COL5A2: variants seen among roughly 807,000 people sequenced by gnomAD.
The protein encoded by COL5A2 is collagen alpha-2(V) chain.
Under a neutral mutation model 208.2 loss-of-function variants are expected in COL5A2, and 23 were observed. The observed-to-expected ratio is 0.11, with a 90% confidence interval of 0.08 to 0.16. The LOEUF is 0.16. Ranked by LOEUF, COL5A2 falls within the 10% of genes least tolerant of loss-of-function variation. The pLI is 1.00. For synonymous variants in COL5A2, 625 were observed against 628.5 expected (o/e 0.99, Z 0.08); for missense variants, 1,590 against 1,956.4 (o/e 0.81, Z 3.53).
Position 189,048,229 on chromosome 2 carries a change from C to G in COL5A2, c.3181G>C (p.Asp1061His). 1 of 1,614,040 alleles carries G rather than the reference C, an allele frequency of 6.2e-7. No homozygotes were observed. ...CTTACACGTTCTCCAACAGCACCAT[C>G]CCGTCCTGGGGTACCATCATTGCCA... is the stretch of plus-strand genomic sequence containing the variant. ...PAGNDGTPGRDGAVGERGDRG... is the reference protein window; with the variant it reads ...PAGNDGTPGRHGAVGERGDRG... Residue 1061 changes from aspartate (D) to histidine (H), a missense_variant, in exon 45 of 54, where the codon GAT becomes CAT. Coordinates refer to ENST00000374866, the MANE Select transcript of COL5A2 (RefSeq NM_000393.5).
chr2:189,122,969 A>AT (rs11344015), intron 1 of COL5A2, among the ~76,000 whole-genome samples: 6,121 of 150,052 alleles, frequency 0.041, 241 homozygotes, highest in East Asian at 0.11. Flanking sequence ...AAAGTATTTA[A>AT]TTTTTTTTTT....
intron 1 of COL5A2, among the ~76,000 whole-genome samples, chr2:189,146,621 G>A (rs1688044750): frequency 6.6e-6 from 1 of 152,072 alleles, no homozygotes; most frequent in African/African-American, 2.4e-5. Flanking sequence ...TTTTAGTAAA[G>A]GGAACTTAGG....
the COL5A2 span, among the ~76,000 whole-genome samples, chr2:189,359,791 C>G: frequency 6.6e-6 from 1 of 152,064 alleles, no homozygotes; most frequent in Non-Finnish European, 1.5e-5. Flanking sequence ...ATGGTTCAAT[C>G]TTGGTAGGTT....
the COL5A2 span, among the ~76,000 whole-genome samples, chr2:189,389,312 C>T: frequency 6.6e-6 from 1 of 152,090 alleles, no homozygotes; most frequent in South Asian, 2.1e-4. Context: ...TCTATAAATT[C>T]CTATGACCCT....
chr2:189,063,886 T>C (rs1686087310), intron 26 of COL5A2, 94 bp downstream of exon 26: 1 of 972,770 alleles, frequency 1.0e-6, no homozygotes, highest in Admixed American at 2.0e-5. Flanking sequence ...CCAGCATCCA[T>C]ATAATCAAAA....
chr2:189,298,213 AC>A, the COL5A2 span, among the ~76,000 whole-genome samples: 1 of 152,150 alleles, frequency 6.6e-6, no homozygotes, highest in African/African-American at 2.4e-5. Context: ...TTTTTGTTTG[AC>A]TGGCTGCTAT....
chr2:189,046,587 G>C (rs1685673045), intron 45 of COL5A2, among the ~76,000 whole-genome samples: 1 of 152,032 alleles, frequency 6.6e-6, no homozygotes, highest in African/African-American at 2.4e-5. Context: ...TTATGACAAG[G>C]CTCCAAATAT....
chr2:189,117,849 T>C (rs1687425440), intron 1 of COL5A2, among the ~76,000 whole-genome samples: 1 of 152,150 alleles, frequency 6.6e-6, no homozygotes, highest in African/African-American at 2.4e-5. Context: ...AGAACACATA[T>C]AATTTATTTT....
At chr2:189,210,026 T>C (rs963428651) in intron 1 of COL5A2, among the ~76,000 whole-genome samples, 17 of 152,184 alleles carry the variant, frequency 1.1e-4, no homozygotes, top group Admixed American at 1.1e-3. Flanking sequence ...AGCTGAGTTT[T>C]CAGGCCGTTA....
chr2:189,334,685 C>T, the COL5A2 span, among the ~76,000 whole-genome samples: 14 of 151,954 alleles, frequency 9.2e-5, no homozygotes, highest in Non-Finnish European at 1.6e-4. Flanking sequence ...TTAATGCAGT[C>T]TCAGTTAAAC....
the COL5A2 span, among the ~76,000 whole-genome samples, chr2:189,300,577 C>G: frequency 2.0e-5 from 3 of 152,338 alleles, no homozygotes; most frequent in Non-Finnish European, 2.9e-5. Context: ...AATAAGATGA[C>G]AATCTTCCTG....
chr2:189,043,114 A>T, intron 48 of COL5A2, 37 bp downstream of exon 48: 1 of 1,473,080 alleles, frequency 6.8e-7, no homozygotes, highest in Non-Finnish European at 9.5e-7. Context: ...TGTATTTTCA[A>T]CTACAGGGCA....
chr2:189,153,685 T>G (rs1396490446), intron 1 of COL5A2, among the ~76,000 whole-genome samples: 4 of 152,118 alleles, frequency 2.6e-5, no homozygotes, highest in African/African-American at 9.7e-5. Flanking sequence ...GTTTGTTCTC[T>G]TGGCTCAACT....
intron 13 of COL5A2, 83 bp from the exon 14 acceptor site, chr2:189,080,114 A>G: frequency 9.9e-7 from 1 of 1,009,888 alleles, no homozygotes. Context: ...AAGCTTGCAG[A>G]AATTGCCTTA....
chr2:189,083,411 T>C (rs1276851425), intron 12 of COL5A2, among the ~76,000 whole-genome samples: 1 of 152,026 alleles, frequency 6.6e-6, no homozygotes, highest in Non-Finnish European at 1.5e-5. Context: ...GAGCTGGAAA[T>C]CAGTGTAAAT....
chr2:189,087,789 C>T (rs1207338876), intron 8 of COL5A2, among the ~76,000 whole-genome samples: 1 of 151,390 alleles, frequency 6.6e-6, no homozygotes, highest in Non-Finnish European at 1.5e-5. Context: ...ATTCTTATGG[C>T]AAGATTTTAA....
chr2:189,178,779 A>G (rs1050050999), intron 1 of COL5A2, among the ~76,000 whole-genome samples: 3 of 150,920 alleles, frequency 2.0e-5, no homozygotes, highest in Non-Finnish European at 4.4e-5. Context: ...GCCAAATAAG[A>G]TATATACAAG....
chr2:189,350,827 A>T, the COL5A2 span, among the ~76,000 whole-genome samples: 39 of 152,310 alleles, frequency 2.6e-4, no homozygotes, highest in African/African-American at 8.9e-4. Flanking sequence ...TGGTTATTAC[A>T]TCTCCATGTC....
At chr2:189,315,101 C>A in the COL5A2 span, among the ~76,000 whole-genome samples, 1 of 152,142 alleles carries the variant, frequency 6.6e-6, no homozygotes, top group African/African-American at 2.4e-5. Flanking sequence ...CATCCTGATA[C>A]CCAAACCTGG....
Sources: allele counts gnomAD v4.1 joint callset (sites outside exome capture counted in the v4.1 genomes callset), GRCh38; gene constraint gnomAD v4.1.1; transcripts MANE v1.5; gene names NCBI Gene and HGNC (gene_info 2026-07-23, HGNC 2026-07-21).